FAM169A: variants seen among roughly 807,000 people sequenced by gnomAD.
The protein encoded by FAM169A is family with sequence similarity 169 member A, also known as soluble lamin-associated protein of 75 kDa.
A neutral mutation model predicts 75.7 loss-of-function variants in FAM169A; 24 were observed. That is an observed-to-expected ratio of 0.32 (90% CI 0.23 to 0.45). FAM169A has a LOEUF of 0.45. Among genes scored for constraint, FAM169A ranks in the 20% least tolerant of loss-of-function variants. The probability of loss-of-function intolerance (pLI) is 1.00; values close to 1 mark genes in which losing one functional copy is unlikely to be tolerated. For synonymous variants in FAM169A, 271 were observed against 271.0 expected (o/e 1.00, Z 0.00); for missense variants, 673 against 784.0 (o/e 0.86, Z 1.69).
At chr5:74,824,848 AT>A (rs1747941225) in intron 5 of FAM169A, among the ~76,000 whole-genome samples, 1 of 152,018 alleles carries the variant, frequency 6.6e-6, no homozygotes. Flanking sequence ...CTTGATTTCT[AT>A]TTCTTCATTT....
At chr5:74,831,533 G>C (rs756095125) in intron 5 of FAM169A, among the ~76,000 whole-genome samples, 12 of 152,088 alleles carry the variant, frequency 7.9e-5, no homozygotes, top group Non-Finnish European at 1.8e-4. Context: ...ATTTTGGGGG[G>C]AATGTTGGAA....
chr5:74,813,938 C>T lies in FAM169A; in HGVS notation c.572G>A (p.Gly191Asp), dbSNP rs1488040408. Reference sequence around the variant, plus strand: ...CAGCATGTGAAGCCCAAAATCTTTACCTCTGTATTTCTTTCTTAGAAACAT... The same window carrying T: ...CAGCATGTGAAGCCCAAAATCTTTATCTCTGTATTTCTTTCTTAGAAACAT... ...DTMFLRKKYR[G>D]KDFGLHMLED... Residue 191 changes from glycine (G) to aspartate (D), a missense_variant, in exon 6 of 13, where the codon GGT becomes GAT. Coordinates refer to ENST00000687041, the MANE Select transcript of FAM169A (RefSeq NM_001376049.1). 8 of 1,608,118 alleles carry T rather than the reference C, an allele frequency of 5.0e-6. No homozygotes were observed. In the East Asian group the frequency reaches 1.3e-4, roughly 27 times the overall value.
At chr5:74,812,381 G>A (rs553080373) in intron 6 of FAM169A, among the ~76,000 whole-genome samples, 1 of 151,396 alleles carries the variant, frequency 6.6e-6, no homozygotes, top group South Asian at 2.1e-4. Context: ...CCCACCTCGG[G>A]CTCCTAAAGT....
At chr5:74,792,943 A>G (rs1401469164) in intron 11 of FAM169A, among the ~76,000 whole-genome samples, 1 of 152,248 alleles carries the variant, frequency 6.6e-6, no homozygotes, top group Non-Finnish European at 1.5e-5. Flanking sequence ...AGACACTTGC[A>G]CATGCATGTT....
At chr5:74,839,464 A>G (rs1748742397) in intron 3 of FAM169A, among the ~76,000 whole-genome samples, 1 of 151,708 alleles carries the variant, frequency 6.6e-6, no homozygotes, top group African/African-American at 2.4e-5. Flanking sequence ...CCCTTCTGCC[A>G]TGATTGCAAG....
chr5:74,783,546 T>A (rs1182017555), intron 11 of FAM169A, among the ~76,000 whole-genome samples: 1 of 152,192 alleles, frequency 6.6e-6, no homozygotes, highest in Non-Finnish European at 1.5e-5. Flanking sequence ...CACCAGCTGT[T>A]CAGCATCTGG....
chr5:74,793,510 G>A (rs924653888), intron 11 of FAM169A, among the ~76,000 whole-genome samples: 1 of 152,114 alleles, frequency 6.6e-6, no homozygotes, highest in East Asian at 1.9e-4. Context: ...TAAGCTATGA[G>A]GAGGCAAAGG....
intron 8 of FAM169A, 61 bp downstream of exon 8, chr5:74,804,432 C>T (rs551575862): frequency 2.8e-6 from 2 of 717,568 alleles, no homozygotes; most frequent in Non-Finnish European, 2.2e-6. Context: ...TAACCTGTAT[C>T]TATTTTTTAA....
chr5:74,796,951 G>C (rs1008354792), intron 10 of FAM169A, among the ~76,000 whole-genome samples: 3 of 151,998 alleles, frequency 2.0e-5, no homozygotes, highest in Non-Finnish European at 4.4e-5. Context: ...GACTTTCTAT[G>C]CCCATTTTCA....
chr5:74,826,776 C>T (rs563204114), intron 5 of FAM169A, among the ~76,000 whole-genome samples: 2 of 152,166 alleles, frequency 1.3e-5, no homozygotes, highest in South Asian at 2.1e-4. Flanking sequence ...ATTAACATTG[C>T]TATAATACTG....
At chr5:74,809,419 C>G (rs983435382) in intron 6 of FAM169A, among the ~76,000 whole-genome samples, 2 of 151,744 alleles carry the variant, frequency 1.3e-5, no homozygotes, top group Non-Finnish European at 2.9e-5. Context: ...ACAGTGAAAC[C>G]CCATCTCTAC....
intron 1 of FAM169A, among the ~76,000 whole-genome samples, chr5:74,860,315 T>C (rs973702388): frequency 4.6e-5 from 7 of 152,246 alleles, no homozygotes; most frequent in Non-Finnish European, 1.0e-4. Flanking sequence ...CAAAATTCTT[T>C]ACTAATATGG....
chr5:74,840,105 A>G lies in FAM169A; in HGVS notation c.201T>C (p.Leu67=). Residue 67 remains leucine, a synonymous_variant, in exon 3 of 13, where the codon CTT becomes CTC. Transcript: ENST00000687041. The part of the protein sequence containing the change: ...LYGGDQTQKI[L]ALFAPEDSLT... ...GTGAATCTTCAGGTGCAAAGAGAGCAAGAATTTTCTGGGTCTGATCTCCAC... is the reference window on the plus strand; with the variant it reads ...GTGAATCTTCAGGTGCAAAGAGAGCGAGAATTTTCTGGGTCTGATCTCCAC... 1 of 1,598,796 alleles carries G rather than the reference A, an allele frequency of 6.3e-7. No individual in the cohort carries two copies.
At chr5:74,826,357 T>C (rs1177981839) in intron 5 of FAM169A, among the ~76,000 whole-genome samples, 1 of 152,208 alleles carries the variant, frequency 6.6e-6, no homozygotes, top group Non-Finnish European at 1.5e-5. Context: ...AAAAGCTAAT[T>C]AGAAGCTCTG....
At chr5:74,802,634 A>G (rs1746648823) in intron 8 of FAM169A, among the ~76,000 whole-genome samples, 3 of 152,154 alleles carry the variant, frequency 2.0e-5, no homozygotes, top group African/African-American at 7.2e-5. Flanking sequence ...AGTATATTAT[A>G]TATTTCCAAC....
At chr5:74,842,493 T>C (rs765806566) in intron 1 of FAM169A, among the ~76,000 whole-genome samples, 2 of 146,482 alleles carry the variant, frequency 1.4e-5, no homozygotes, top group Admixed American at 6.9e-5. Context: ...ATGAATATTA[T>C]GGTATATTAT....
At chr5:74,795,718 T>C (rs971590039) in intron 11 of FAM169A, among the ~76,000 whole-genome samples, 3 of 152,236 alleles carry the variant, frequency 2.0e-5, no homozygotes, top group Non-Finnish European at 1.5e-5. Flanking sequence ...CATTTGTGTA[T>C]GTAAGTGTGT....
chr5:74,844,716 C>T (rs1212683669), intron 1 of FAM169A, among the ~76,000 whole-genome samples: 2 of 152,100 alleles, frequency 1.3e-5, no homozygotes, highest in Non-Finnish European at 2.9e-5. Flanking sequence ...ATTCGGGAGG[C>T]TGAGGCAGGA....
intron 1 of FAM169A, among the ~76,000 whole-genome samples, chr5:74,849,577 T>C (rs536845943): frequency 7.0e-4 from 107 of 152,100 alleles, no homozygotes; most frequent in Middle Eastern, 3.4e-3. Context: ...CGAGAATAGG[T>C]TAGGTATCCA....
Sources: gnomAD v4.1 joint callset for allele counts (sites outside exome capture counted in the v4.1 genomes callset) on GRCh38, gnomAD v4.1.1 for gene constraint, MANE v1.5 for transcripts, NCBI Gene and HGNC (gene_info 2026-07-23, HGNC 2026-07-21) for gene names.